The following C9 variants were observed in gnomAD, a reference collection of about 807,000 sequenced individuals.
C9 encodes complement C9.
Under a neutral mutation model 65.4 loss-of-function variants are expected in C9, and 63 were observed. The observed-to-expected ratio is 0.96, with a 90% CI of 0.79 to 1.19. C9 has a LOEUF of 1.19. C9 is among the 50% of genes most tolerant of loss of function. The probability of loss-of-function intolerance (pLI) is 0.00; values close to 1 mark genes in which losing one functional copy is unlikely to be tolerated. For synonymous variants in C9, 229 were observed against 227.9 expected, an observed-to-expected ratio of 1.00 and a Z score of -0.04; for missense variants, 744 against 670.1, an observed-to-expected ratio of 1.11 and a Z score of -1.22.
At chr5:39,353,859 T>C (rs1754368375) in intron 1 of C9, among the ~76,000 whole-genome samples, 1 of 152,004 alleles carries the variant, frequency 6.6e-6, no homozygotes, top group East Asian at 1.9e-4. Context: ...CAGGAAGGGT[T>C]TTTTTTTAAA....
chr5:39,331,945 G>GGAACA (rs1322854736), intron 4 of C9, 131 bp from the exon 5 acceptor site: 1 of 823,884 alleles, frequency 1.2e-6, no homozygotes, highest in African/African-American at 1.7e-5. Context: ...GCTATAATCA[G>GGAACA]GAACAGAAGC....
chr5:39,361,794 T>TA (rs1441127256), intron 1 of C9, among the ~76,000 whole-genome samples: 14 of 152,006 alleles, frequency 9.2e-5, no homozygotes, highest in East Asian at 1.9e-4. Flanking sequence ...TTAATCTTTG[T>TA]AAAAAAATAA....
chr5:39,319,383 C>T (rs145204814), intron 5 of C9, among the ~76,000 whole-genome samples: 2 of 152,248 alleles, frequency 1.3e-5, no homozygotes, highest in Non-Finnish European at 2.9e-5. Context: ...GCCTCAGGCC[C>T]GAGGCCAGTT....
chr5:39,352,398 G>A (rs1385702227), intron 1 of C9, among the ~76,000 whole-genome samples: 1 of 152,158 alleles, frequency 6.6e-6, no homozygotes, highest in African/African-American at 2.4e-5. Context: ...GCACTTGAAG[G>A]TCTTCATGAC....
intron 1 of C9, among the ~76,000 whole-genome samples, chr5:39,352,143 C>T (rs1028973906): frequency 8.5e-5 from 13 of 152,110 alleles, no homozygotes; most frequent in Non-Finnish European, 2.9e-5. Flanking sequence ...GGGAGAAGTA[C>T]TACATACTTC....
At chr5:39,290,547 T>C (rs1460468940) in intron 9 of C9, among the ~76,000 whole-genome samples, 1 of 151,892 alleles carries the variant, frequency 6.6e-6, no homozygotes, top group African/African-American at 2.4e-5. Flanking sequence ...TTAAATAATG[T>C]GGACTCATCT....
chr5:39,345,145 T>C (rs141225480), intron 1 of C9, among the ~76,000 whole-genome samples: 43 of 152,266 alleles, frequency 2.8e-4, no homozygotes, highest in African/African-American at 9.4e-4. Context: ...ATCATCATAA[T>C]GACAGGATCA....
intron 7 of C9, among the ~76,000 whole-genome samples, chr5:39,308,992 T>C (rs1490221350): frequency 1.3e-5 from 2 of 152,162 alleles, no homozygotes; most frequent in Admixed American, 6.6e-5. Flanking sequence ...TTCATCGCTT[T>C]GGACAGATGG....
chr5:39,294,033 A>C (rs1326714960), intron 9 of C9, among the ~76,000 whole-genome samples: 1 of 151,904 alleles, frequency 6.6e-6, no homozygotes, highest in Non-Finnish European at 1.5e-5. Flanking sequence ...AGAACATACC[A>C]AAACTGACGA....
At chr5:39,294,378 A>G (rs1487653124) in intron 9 of C9, among the ~76,000 whole-genome samples, 1 of 151,820 alleles carries the variant, frequency 6.6e-6, no homozygotes, top group Non-Finnish European at 1.5e-5. Flanking sequence ...ACAAAAATAG[A>G]GATATCACAA....
chr5:39,329,288 T>C (rs1001031719), intron 5 of C9, among the ~76,000 whole-genome samples: 3 of 152,204 alleles, frequency 2.0e-5, no homozygotes, highest in Non-Finnish European at 4.4e-5. Flanking sequence ...TGGCTAAGTC[T>C]TTAACTAATT....
intron 1 of C9, among the ~76,000 whole-genome samples, chr5:39,344,140 C>T (rs2111959928): frequency 6.6e-6 from 1 of 152,340 alleles, no homozygotes; most frequent in South Asian, 2.1e-4. Flanking sequence ...AGGAACACAG[C>T]TCCTCACCAG....
rs10472316 is a variant in C9 at position 39,359,062 on chromosome 5, A to G, written c.77+5326T>C. On this transcript the variant is annotated intron_variant, in intron 1 of 10. Transcript: ENST00000263408. ...TGTGTGTGTGTGTATATATATGTGTATATATATATGTGTGTGTATATATAT... is the reference window on the plus strand; with the variant it reads ...TGTGTGTGTGTGTATATATATGTGTGTATATATATGTGTGTGTATATATAT... Among the ~76,000 whole-genome samples the G allele has an allele frequency of 2.5e-3, 344 of 135,622 alleles. 9 individuals are homozygous for G. Among genetic ancestry groups the G allele is most frequent in the Non-Finnish European group, 4.2e-3 (274 of 64,878 alleles). 89.0% of individuals were successfully genotyped at this position (135,622 alleles called of 152,430 possible). A position where few individuals can be genotyped will look rare whatever the true frequency, so the allele number is the denominator to read the frequency against.
At chr5:39,360,261 C>G (rs190612727) in intron 1 of C9, among the ~76,000 whole-genome samples, 1 of 151,416 alleles carries the variant, frequency 6.6e-6, no homozygotes, top group Non-Finnish European at 1.5e-5. Flanking sequence ...ATATCTACTA[C>G]TATTATTATT....
At chr5:39,293,214 T>C (rs1753127625) in intron 9 of C9, among the ~76,000 whole-genome samples, 1 of 151,954 alleles carries the variant, frequency 6.6e-6, no homozygotes, top group Non-Finnish European at 1.5e-5. Context: ...CACCTATCAA[T>C]AATAACCTTG....
intron 5 of C9, among the ~76,000 whole-genome samples, chr5:39,325,573 G>A (rs943139434): frequency 6.6e-6 from 1 of 152,102 alleles, no homozygotes; most frequent in Non-Finnish European, 1.5e-5. Context: ...AGGAGTTAGA[G>A]ACCAGCCTGA....
intron 1 of C9, among the ~76,000 whole-genome samples, chr5:39,362,340 G>C (rs1300665352): frequency 2.0e-5 from 3 of 152,146 alleles, no homozygotes; most frequent in Non-Finnish European, 4.4e-5. Flanking sequence ...CATACACAAT[G>C]GGAAGATGAT....
intron 7 of C9, 72 bp from the exon 8 acceptor site, chr5:39,308,430 A>G: frequency 8.4e-7 from 1 of 1,192,592 alleles, no homozygotes; most frequent in Non-Finnish European, 1.2e-6. Context: ...CAATTTTGCT[A>G]TTTTCAAGCA....
chr5:39,310,795 T>G (rs551011103), intron 7 of C9, among the ~76,000 whole-genome samples: 2 of 152,312 alleles, frequency 1.3e-5, no homozygotes, highest in East Asian at 3.9e-4. Context: ...GTCTATTGAT[T>G]AAGAAGTAGG....
Sources: gnomAD v4.1 joint callset for allele counts (sites outside exome capture counted in the v4.1 genomes callset) on GRCh38, gnomAD v4.1.1 for gene constraint, MANE v1.5 for transcripts, NCBI Gene and HGNC (gene_info 2026-07-23, HGNC 2026-07-21) for gene names.